The following NEGR1 variants were observed in gnomAD, a reference collection of about 807,000 sequenced individuals.
The protein encoded by NEGR1 is neuronal growth regulator 1.
In NEGR1, 10 loss-of-function variants were observed where a neutral mutation model predicts 40.9. The observed-to-expected ratio is 0.24, with a 90% CI of 0.15 to 0.42. The LOEUF (loss-of-function observed/expected upper bound fraction) is 0.42. Ranked by LOEUF, NEGR1 falls within the 10% of genes least tolerant of loss-of-function variation. The pLI, the probability that NEGR1 is intolerant of heterozygous loss-of-function variation, is 1.00. For synonymous variants in NEGR1, 185 were observed against 166.8 expected (o/e 1.11, Z -0.84); for missense variants, 352 against 438.9 (o/e 0.80, Z 1.77).
intron 1 of NEGR1, among the ~76,000 whole-genome samples, chr1:72,082,745 G>C (rs991798145): frequency 2.0e-5 from 3 of 151,318 alleles, no homozygotes; most frequent in Non-Finnish European, 4.4e-5. Flanking sequence ...GTCATCCTGA[G>C]GGAGACTTTA....
At chr1:72,054,240 G>A (rs947287096) in intron 1 of NEGR1, among the ~76,000 whole-genome samples, 7 of 151,286 alleles carry the variant, frequency 4.6e-5, no homozygotes, top group African/African-American at 1.5e-4. Context: ...ATGCAGGGAC[G>A]CCCCTTAGGA....
chr1:72,147,547 C>G (rs1309665071), intron 1 of NEGR1, among the ~76,000 whole-genome samples: 1 of 152,072 alleles, frequency 6.6e-6, no homozygotes, highest in Non-Finnish European at 1.5e-5. Flanking sequence ...TCACCCCTGG[C>G]CCCTCCAAAT....
intron 3 of NEGR1, among the ~76,000 whole-genome samples, chr1:71,731,285 T>C (rs1026840196): frequency 6.6e-6 from 1 of 152,218 alleles, no homozygotes; most frequent in African/African-American, 2.4e-5. Flanking sequence ...AAATCAACTC[T>C]GAGCACTGTT....
chr1:71,579,113 C>A (rs1020542356), intron 6 of NEGR1, among the ~76,000 whole-genome samples: 1 of 152,074 alleles, frequency 6.6e-6, no homozygotes, highest in African/African-American at 2.4e-5. Context: ...ATGTTTTTGG[C>A]TCATATCATT....
chr1:71,574,546 C>T (rs1015860378), intron 6 of NEGR1, among the ~76,000 whole-genome samples: 1 of 152,048 alleles, frequency 6.6e-6, no homozygotes, highest in Non-Finnish European at 1.5e-5. Context: ...GGAATAATTT[C>T]TTCCAGAAAT....
At chr1:72,259,106 A>G (rs1238575355) in intron 1 of NEGR1, among the ~76,000 whole-genome samples, 2 of 152,184 alleles carry the variant, frequency 1.3e-5, no homozygotes, top group Non-Finnish European at 2.9e-5. Flanking sequence ...CTATGACAAG[A>G]CCAAACAAAA....
chr1:72,086,980 T>A (rs901039745), intron 1 of NEGR1, among the ~76,000 whole-genome samples: 3 of 152,144 alleles, frequency 2.0e-5, no homozygotes, highest in Non-Finnish European at 2.9e-5. Flanking sequence ...GGTTAGAGAT[T>A]AGAAAATTTG....
chr1:72,066,507 G>A (rs12035142), intron 1 of NEGR1, among the ~76,000 whole-genome samples: 11,862 of 152,112 alleles, frequency 0.078, 626 homozygotes, highest in East Asian at 0.28. Context: ...TGTGGAAGCC[G>A]TGACCCTCAA....
chr1:71,415,258 T>C (rs1646347893), intron 6 of NEGR1, among the ~76,000 whole-genome samples: 1 of 152,118 alleles, frequency 6.6e-6, no homozygotes, highest in Non-Finnish European at 1.5e-5. Context: ...GTGTTATAAA[T>C]GATGAGGTGA....
chr1:71,871,865 ACAAT>A (rs1660287835), intron 2 of NEGR1, among the ~76,000 whole-genome samples: 1 of 152,178 alleles, frequency 6.6e-6, no homozygotes, highest in Admixed American at 6.5e-5. Flanking sequence ...TTGAACACAA[ACAAT>A]CAATTTCTAT....
intron 6 of NEGR1, among the ~76,000 whole-genome samples, chr1:71,437,286 GA>G (rs1317668116): frequency 6.6e-6 from 1 of 152,014 alleles, no homozygotes; most frequent in East Asian, 1.9e-4. Flanking sequence ...TTTAGGGAGT[GA>G]TAACTAAAGG....
At chr1:71,554,723 T>C (rs1418443790) in intron 6 of NEGR1, among the ~76,000 whole-genome samples, 3 of 151,650 alleles carry the variant, frequency 2.0e-5, no homozygotes, top group South Asian at 2.1e-4. Flanking sequence ...AGGTCTAATT[T>C]ATTATTTCTC....
chr1:71,751,474 C>A (rs1655567733), intron 3 of NEGR1, among the ~76,000 whole-genome samples: 1 of 152,164 alleles, frequency 6.6e-6, no homozygotes, highest in Non-Finnish European at 1.5e-5. Context: ...ACTATTAAAT[C>A]ACACATTTCC....
intron 4 of NEGR1, among the ~76,000 whole-genome samples, chr1:71,691,651 T>A (rs1378185912): frequency 6.6e-6 from 1 of 151,836 alleles, no homozygotes; most frequent in Non-Finnish European, 1.5e-5. Flanking sequence ...AATTTATTCT[T>A]TTTTCATTAT....
At chr1:72,196,607 T>TA (rs1300043329) in intron 1 of NEGR1, among the ~76,000 whole-genome samples, 1 of 151,846 alleles carries the variant, frequency 6.6e-6, no homozygotes, top group Non-Finnish European at 1.5e-5. Flanking sequence ...CCATCTCTAC[T>TA]AAAAATAACA....
At chr1:72,106,367 C>T (rs1257982074) in intron 1 of NEGR1, among the ~76,000 whole-genome samples, 2 of 151,956 alleles carry the variant, frequency 1.3e-5, no homozygotes, top group African/African-American at 4.8e-5. Flanking sequence ...GACCCAGGGA[C>T]ATGCAAAATG....
At chr1:71,496,394 G>A (rs1367847436) in intron 6 of NEGR1, among the ~76,000 whole-genome samples, 1 of 152,126 alleles carries the variant, frequency 6.6e-6, no homozygotes, top group African/African-American at 2.4e-5. Context: ...AATGGTGATG[G>A]GTTGATTCTT....
Position 71,773,031 on chromosome 1 carries a change from T to C in NEGR1, c.535+3141A>G, listed in dbSNP as rs1195527461. On this transcript the variant is annotated intron_variant, in intron 3 of 6. Coordinates refer to ENST00000357731, the MANE Select transcript of NEGR1 (RefSeq NM_173808.3). ...ATCCAGAAACATCTCAGGAAAGGTG[T>C]TTTTTTTTGGTGAAAGTATAGTTGA... Among the ~76,000 whole-genome samples the C allele has an allele frequency of 2.7e-5, 4 of 150,822 alleles. No homozygotes were observed. In the Admixed American group the frequency reaches 2.7e-4, roughly 10 times the overall value.
At chr1:72,234,145 A>T (rs990250270) in intron 1 of NEGR1, among the ~76,000 whole-genome samples, 1 of 151,644 alleles carries the variant, frequency 6.6e-6, no homozygotes, top group Non-Finnish European at 1.5e-5. Context: ...CAACCTCCAC[A>T]CTCTGATAGA....
Sources: allele counts gnomAD v4.1 joint callset (sites outside exome capture counted in the v4.1 genomes callset), GRCh38; gene constraint gnomAD v4.1.1; transcripts MANE v1.5; gene names NCBI Gene and HGNC (gene_info 2026-07-23, HGNC 2026-07-21).